Variants in CADM4 observed in about 807,000 individuals in gnomAD.
The protein encoded by CADM4 is cell adhesion molecule 4, also known as TSLC1-like 2.
CADM4 carries 13 observed loss-of-function variants against 43.9 expected under a neutral mutation model. The observed-to-expected ratio is 0.30, with a 90% confidence interval of 0.19 to 0.47. The LOEUF is 0.47. CADM4 is among the 20% of genes least tolerant of loss of function. The probability of loss-of-function intolerance (pLI) is 1.00; values close to 1 mark genes in which losing one functional copy is unlikely to be tolerated. For synonymous variants in CADM4, 209 were observed against 220.9 expected (o/e 0.95, Z 0.48); for missense variants, 420 against 527.0 (o/e 0.80, Z 1.99).
Position 43,622,631 on chromosome 19 carries a change from G to T in CADM4, c.*699C>A, listed in dbSNP as rs1973455093. The T allele has an allele frequency of 1.3e-5, 2 of 152,448 alleles. No homozygotes were observed. The highest frequency in any genetic ancestry group is 4.8e-5 in the African/African-American group (2 of 41,348). The allele number at this position is 152,448 out of a possible 1,614,324, so 9.4% of individuals were successfully genotyped here. On this transcript the variant is annotated 3_prime_UTR_variant, in exon 9 of 9. Transcript: ENST00000222374. ...AAACTCCTTTCCCCCTCCCCGGGGG[G>T]CCTGGAGGAGAGATGGGGAAGGCCC...
rs1041059621 is a variant in CADM4, at chr19:43,626,501, C to T, written c.500-213G>A. On this transcript the variant is annotated intron_variant, in intron 4 of 8. Transcript: ENST00000222374. The surrounding 1 kb of genome is among the most constrained non-coding windows in gnomAD (Gnocchi z 5.9). ...TTCACGCTCATGCTTTCTCGTCTAT[C>T]AATCCATTTAATTGCTATATATATA... Among the ~76,000 whole-genome samples, 1 of 152,072 alleles carries T rather than the reference C, an allele frequency of 6.6e-6. No homozygotes were observed. Among genetic ancestry groups the T allele is most frequent in the Non-Finnish European group, 1.5e-5 (1 of 68,022 alleles).
Position 43,627,616 on chromosome 19 carries a change from A to C in CADM4, c.211+28T>G. ...GGCCCCAGCCCTCTCTTCCTTTAAG[A>C]CTCCTGAGTCTGGTCCCCAGCACTC... On this transcript the variant is annotated intron_variant, in intron 2 of 8. Coordinates refer to ENST00000222374, the MANE Select transcript of CADM4 (RefSeq NM_145296.2). This position sits in a 1 kb window ranked among gnomAD's most constrained non-coding sequence, Gnocchi z 4.0. 2.5e-6 allele frequency: 4 copies of C among 1,596,014 alleles called. No homozygotes were observed. Among genetic ancestry groups the C allele is most frequent in the Non-Finnish European group, 2.6e-6 (3 of 1,166,162 alleles).
chr19:43,627,136 G>A lies in CADM4; in HGVS notation c.364+30C>T. On this transcript the variant is annotated intron_variant, in intron 3 of 8. Transcript: ENST00000222374. This position sits in a 1 kb window ranked among gnomAD's most constrained non-coding sequence, Gnocchi z 4.0. The stretch of plus-strand genomic sequence containing the variant: ...GAGAAGCAGAGAAGAAAGGAGGAGA[G>A]GATGCGTCTGACAAGGGGGAGGGCG... 6.5e-7 allele frequency: 1 copy of A among 1,536,066 alleles called. No individual in the cohort carries two copies. Among genetic ancestry groups the A allele is most frequent in the Non-Finnish European group, 8.8e-7 (1 of 1,137,496 alleles).
chr19:43,632,410 C>T (rs757945338), intron 1 of CADM4, among the ~76,000 whole-genome samples: 2 of 152,082 alleles, frequency 1.3e-5, no homozygotes, highest in Non-Finnish European at 2.9e-5. Context: ...GTGGCCGGAT[C>T]GATTTTTCAA....
intron 1 of CADM4, among the ~76,000 whole-genome samples, chr19:43,628,384 G>A (rs931760788): frequency 1.4e-4 from 21 of 151,486 alleles, no homozygotes; most frequent in Admixed American, 7.9e-4. Context: ...GCAGTGAGCC[G>A]AGATGGAGCC....
chr19:43,637,692 G>T (rs1396715276), intron 1 of CADM4, among the ~76,000 whole-genome samples: 1 of 152,174 alleles, frequency 6.6e-6, no homozygotes, highest in Non-Finnish European at 1.5e-5. Context: ...GCTTTTGCAC[G>T]GGGCGGGTGG....
intron 1 of CADM4, among the ~76,000 whole-genome samples, chr19:43,633,150 T>C (rs1055844885): frequency 1.3e-5 from 2 of 150,722 alleles, no homozygotes; most frequent in Non-Finnish European, 2.9e-5. Flanking sequence ...CATGGCTCAC[T>C]GCAGCCTCGA....
chr19:43,626,893 C>T lies in CADM4; in HGVS notation c.390G>A (p.Glu130=). Residue 130 remains glutamate (E), a synonymous_variant, in exon 4 of 9, where the codon GAG becomes GAA. Transcript: ENST00000222374. The surrounding 1 kb of genome is among the most constrained non-coding windows in gnomAD (Gnocchi z 5.9). ...CGCCCTCTACCGCCTGCTCCCGGACCTCCACCACAGGATTCTCTGGGGCCA... is the reference window on the plus strand; with the variant it reads ...CGCCCTCTACCGCCTGCTCCCGGACTTCCACCACAGGATTCTCTGGGGCCA... ...VLVAPENPVV[E]VREQAVEGGE... 1 of 1,606,232 alleles carries T rather than the reference C, an allele frequency of 6.2e-7. No homozygotes were observed. Among genetic ancestry groups the T allele is most frequent in the Non-Finnish European group, 8.5e-7 (1 of 1,177,518 alleles).
rs1425000997 is a variant in CADM4, at chr19:43,626,507, AT to A, written c.500-220del. 1.3e-5 allele frequency among the ~76,000 whole-genome samples: 2 copies of A among 151,956 alleles called. No individual in the cohort carries two copies. Among genetic ancestry groups the A allele is most frequent in the Non-Finnish European group, 2.9e-5 (2 of 68,010 alleles). ...CTCATGCTTTCTCGTCTATCAATCC[AT>A]TTAATTGCTATATATATAAAAACAT... On this transcript the variant is annotated intron_variant, in intron 4 of 8. Transcript: ENST00000222374. This position sits in a 1 kb window ranked among gnomAD's most constrained non-coding sequence, Gnocchi z 5.9.
At chr19:43,639,855 G>GCCCCGCC (rs1482857126), upstream of CADM4, 2 of 972,818 alleles carry the variant, frequency 2.1e-6, no homozygotes, top group African/African-American at 3.6e-5. Context: ...CGCGCCGCCC[G>GCCCCGCC]CCCCGCCCCC....
chr19:43,626,948 T>TA lies in CADM4; in HGVS notation c.365-31dup. ...CGCAGGGAGAAGGGAAGTAAGGGGT[T>TA]AAAGAAGGCACGAACGTGGGCTCAA... is the stretch of plus-strand genomic sequence containing the variant. On this transcript the variant is annotated intron_variant, in intron 3 of 8. Coordinates refer to ENST00000222374, the MANE Select transcript of CADM4 (RefSeq NM_145296.2). The surrounding 1 kb of genome is among the most constrained non-coding windows in gnomAD (Gnocchi z 5.9). The TA allele has an allele frequency of 6.4e-7, 1 of 1,556,022 alleles. No individual in the cohort carries two copies. The highest frequency in any genetic ancestry group is 1.4e-5 in the African/African-American group (1 of 73,314).
Position 43,624,189 on chromosome 19 carries a change from C to T in CADM4, c.982G>A (p.Gly328Ser), listed in dbSNP as rs770581423. Reference protein sequence around the residue: ...QTSVPYAIVGGILALLVFLII... With the variant: ...QTSVPYAIVGSILALLVFLII... ...AGAAACACCAGCAGCGCCAGGATGC[C>T]GCCCACAATGGCATAGGGAACCGAC... The change falls in exon 8 of 9, where the codon GGC becomes AGC. Residue 328 changes from glycine to serine, a missense_variant. By Grantham distance (56) the Gly-to-Ser change is moderately conservative. Coordinates refer to ENST00000222374, the MANE Select transcript of CADM4 (RefSeq NM_145296.2). 8 of 1,614,170 alleles carry T rather than the reference C, an allele frequency of 5.0e-6. No individual in the cohort carries two copies. In the South Asian group the frequency reaches 8.8e-5, roughly 18 times the overall value.
rs1474038370 is a variant in CADM4 at position 43,623,936 on chromosome 19, A to G, written c.1057+178T>C. Among the ~76,000 whole-genome samples the G allele has an allele frequency of 6.6e-6, 1 of 151,658 alleles. No homozygotes were observed. Among genetic ancestry groups the G allele is most frequent in the African/African-American group, 2.4e-5 (1 of 41,222 alleles). On this transcript the variant is annotated intron_variant, in intron 8 of 8. Transcript: ENST00000222374. This position sits in a 1 kb window ranked among gnomAD's most constrained non-coding sequence, Gnocchi z 4.4. Reference sequence around the variant, plus strand: ...GCTTTTAATTCAGCTTCTAAATTCTACCCCTTTTCGAGTATTGTGCCGAAA... The same window carrying G: ...GCTTTTAATTCAGCTTCTAAATTCTGCCCCTTTTCGAGTATTGTGCCGAAA...
chr19:43,641,651 C>G (rs990993335), upstream of CADM4, among the ~76,000 whole-genome samples: 1 of 152,194 alleles, frequency 6.6e-6, no homozygotes, highest in Non-Finnish European at 1.5e-5. Context: ...TCCTGAGAGC[C>G]CAAGCTTCTA....
At position 43,625,027 on chromosome 19, in the gene CADM4, C is replaced by T. The variant is rs1973499504; in HGVS notation, c.928+51G>A. Reference sequence around the variant, plus strand: ...GGCCTCTTTGCTCAAGCCCCGCCCCCGCCACCTGGCGCCCCGCCCCCGCCC... The same window carrying T: ...GGCCTCTTTGCTCAAGCCCCGCCCCTGCCACCTGGCGCCCCGCCCCCGCCC... On this transcript the variant is annotated intron_variant, in intron 7 of 8. Coordinates refer to ENST00000222374, the MANE Select transcript of CADM4 (RefSeq NM_145296.2). The surrounding 1 kb of genome is among the most constrained non-coding windows in gnomAD (Gnocchi z 4.5). 5 of 1,243,636 alleles carry T rather than the reference C, an allele frequency of 4.0e-6. No homozygotes were observed. Among genetic ancestry groups the T allele is most frequent in the Non-Finnish European group, 5.5e-6 (5 of 911,796 alleles). The allele number at this position is 1,243,636 out of a possible 1,614,324, so 77.0% of individuals were successfully genotyped here.
In CADM4 at chr19:43,626,316, G is replaced by A. The variant is rs1973527090; in HGVS notation, c.500-28C>T. On this transcript the variant is annotated intron_variant, in intron 4 of 8. Coordinates refer to ENST00000222374, the MANE Select transcript of CADM4 (RefSeq NM_145296.2). The surrounding 1 kb of genome is among the most constrained non-coding windows in gnomAD (Gnocchi z 5.9). Reference sequence around the variant, plus strand: ...GCCACACCCCGGTCAGACACTGTCAGGCCACAATTCCGGCTCCATCCACCC... The same window carrying A: ...GCCACACCCCGGTCAGACACTGTCAAGCCACAATTCCGGCTCCATCCACCC... 6.2e-7 allele frequency: 1 copy of A among 1,603,540 alleles called. No homozygotes were observed. The highest frequency in any genetic ancestry group is 8.5e-7 in the Non-Finnish European group (1 of 1,176,772).
At chr19:43,633,614 G>A (rs1220205376) in intron 1 of CADM4, among the ~76,000 whole-genome samples, 1 of 151,830 alleles carries the variant, frequency 6.6e-6, no homozygotes, top group African/African-American at 2.4e-5. Context: ...GTGTCAGATG[G>A]GATATCTGTT....
In CADM4 at chr19:43,626,353, C is replaced by A; in HGVS notation, c.500-65G>T. The stretch of plus-strand genomic sequence containing the variant: ...GGCTCCATCCACCCACCCACCCGAG[C>A]CAACGCCAAAGCAGGCTATTTGCCA... On this transcript the variant is annotated intron_variant, in intron 4 of 8. Coordinates refer to ENST00000222374, the MANE Select transcript of CADM4 (RefSeq NM_145296.2). This position sits in a 1 kb window ranked among gnomAD's most constrained non-coding sequence, Gnocchi z 5.9. 1 of 1,575,806 alleles carries A rather than the reference C, an allele frequency of 6.3e-7. No homozygotes were observed. The highest frequency in any genetic ancestry group is 8.6e-7 in the Non-Finnish European group (1 of 1,161,052).
At position 43,626,935 on chromosome 19, in the gene CADM4, G is replaced by A. The variant is rs373803892; in HGVS notation, c.365-17C>T. Reference sequence around the variant, plus strand: ...CTGGGGCCACTGCCGCAGGGAGAAGGGAAGTAAGGGGTTAAAGAAGGCACG... The same window carrying A: ...CTGGGGCCACTGCCGCAGGGAGAAGAGAAGTAAGGGGTTAAAGAAGGCACG... On this transcript the variant is annotated splice_polypyrimidine_tract_variant and intron_variant, in intron 3 of 8. Transcript: ENST00000222374. The surrounding 1 kb of genome is among the most constrained non-coding windows in gnomAD (Gnocchi z 5.9). The A allele has an allele frequency of 3.8e-6, 6 of 1,574,652 alleles. No homozygotes were observed. The African/African-American group carries it at 5.4e-5, about 14-fold the overall frequency.
Sources: gnomAD v4.1 joint callset for allele counts (sites outside exome capture counted in the v4.1 genomes callset) on GRCh38, gnomAD v4.1.1 for gene constraint, Gnocchi (gnomAD v3.1) non-coding constraint, MANE v1.5 for transcripts, NCBI Gene and HGNC (gene_info 2026-07-23, HGNC 2026-07-21) for gene names.